The following CRACD variants were observed in gnomAD, a reference collection of about 807,000 sequenced individuals.
CRACD encodes capping protein inhibiting regulator of actin dynamics.
In CRACD, 56 loss-of-function variants were observed where a neutral mutation model predicts 106.8. The ratio of observed to expected loss-of-function variants is 0.52; its 90% confidence interval spans 0.42 to 0.66. CRACD has a LOEUF of 0.66. Among genes scored for constraint, CRACD ranks in the 30% least tolerant of loss-of-function variants. The pLI is 0.00. For synonymous variants in CRACD, 754 were observed against 670.8 expected (o/e 1.12, Z -1.92); for missense variants, 1,730 against 1,623.2 (o/e 1.07, Z -1.13).
chr4:56,217,924 G>A (rs1738796345), intron 2 of CRACD, among the ~76,000 whole-genome samples: 1 of 152,120 alleles, frequency 6.6e-6, no homozygotes, highest in African/African-American at 2.4e-5. Context: ...GTGTTGGCAG[G>A]GTTGGCTCCT....
In CRACD at chr4:56,329,557, C is replaced by T. The variant is rs1746676775; in HGVS notation, c.*1753C>T. 6.6e-6 allele frequency among the ~76,000 whole-genome samples: 1 copy of T among 152,158 alleles called. No homozygotes were observed. The highest frequency in any genetic ancestry group is 1.5e-5 in the Non-Finnish European group (1 of 68,026). The stretch of plus-strand genomic sequence containing the variant: ...CAAGTTGGATTTAATATCATATATA[C>T]TGGACCTTCAGACTGTTAAAAATCA... On this transcript the variant is annotated 3_prime_UTR_variant, in exon 11 of 11. Transcript: ENST00000682029.
chr4:56,132,943 T>A (rs1297237996), intron 1 of CRACD, among the ~76,000 whole-genome samples: 1 of 152,214 alleles, frequency 6.6e-6, no homozygotes, highest in Non-Finnish European at 1.5e-5. Context: ...AAAGGACCTC[T>A]GTGAGGCCAA....
intron 1 of CRACD, among the ~76,000 whole-genome samples, chr4:56,084,415 T>A (rs1733144266): frequency 6.6e-6 from 1 of 152,334 alleles, no homozygotes; most frequent in East Asian, 1.9e-4. Context: ...TAAGATTATG[T>A]CTTAGTAGTT....
intron 2 of CRACD, among the ~76,000 whole-genome samples, chr4:56,249,378 G>C (rs2109584055): frequency 6.8e-6 from 1 of 147,000 alleles, no homozygotes; most frequent in Admixed American, 6.8e-5. Context: ...GTCTTCTTTT[G>C]AGAAGTGTCT....
intron 2 of CRACD, among the ~76,000 whole-genome samples, chr4:56,185,262 T>G (rs1737038088): frequency 6.6e-6 from 1 of 152,164 alleles, no homozygotes; most frequent in South Asian, 2.1e-4. Context: ...CGGCCTTCAG[T>G]GGCATTTAGT....
intron 1 of CRACD, among the ~76,000 whole-genome samples, chr4:56,115,443 T>A (rs1426366333): frequency 6.6e-6 from 1 of 152,176 alleles, no homozygotes; most frequent in African/African-American, 2.4e-5. Context: ...TATAATCATA[T>A]AGGTGCTCCT....
intron 8 of CRACD, among the ~76,000 whole-genome samples, chr4:56,322,077 CT>C (rs1746139271): frequency 6.6e-6 from 1 of 152,162 alleles, no homozygotes; most frequent in Admixed American, 6.5e-5. Context: ...TAGTGAGCTC[CT>C]TTCCTTTGAG....
At chr4:56,256,714 G>C (rs907429331) in intron 2 of CRACD, among the ~76,000 whole-genome samples, 3 of 152,198 alleles carry the variant, frequency 2.0e-5, no homozygotes, top group African/African-American at 7.2e-5. Flanking sequence ...TGGCCCAAAT[G>C]CCCATGGTCC....
intron 1 of CRACD, among the ~76,000 whole-genome samples, chr4:56,074,770 C>T (rs1732780387): frequency 6.6e-6 from 1 of 152,060 alleles, no homozygotes; most frequent in Non-Finnish European, 1.5e-5. Context: ...TGCCGGTTTT[C>T]AAAGGGAATG....
At chr4:56,065,316 C>A (rs1005615555) in intron 1 of CRACD, among the ~76,000 whole-genome samples, 1 of 152,010 alleles carries the variant, frequency 6.6e-6, no homozygotes, top group African/African-American at 2.4e-5. Flanking sequence ...TCAAAATCCT[C>A]ACCTCAGGTG....
chr4:56,249,579 AAT>A (rs1403231427), intron 2 of CRACD, among the ~76,000 whole-genome samples: 1 of 152,136 alleles, frequency 6.6e-6, no homozygotes, highest in African/African-American at 2.4e-5. Context: ...ACAGGCAATA[AAT>A]CTTACCAGAA....
intron 1 of CRACD, among the ~76,000 whole-genome samples, chr4:56,166,001 T>C (rs541546613): frequency 6.6e-6 from 1 of 152,254 alleles, no homozygotes; most frequent in Admixed American, 6.5e-5. Flanking sequence ...GATAGGATTA[T>C]AGGCACACAA....
At chr4:56,104,415 AC>A (rs1733878200) in intron 1 of CRACD, among the ~76,000 whole-genome samples, 1 of 150,522 alleles carries the variant, frequency 6.6e-6, no homozygotes, top group Non-Finnish European at 1.5e-5. Context: ...ACACAAAAAA[AC>A]AAACAAAACC....
At chr4:56,188,659 TTCTCTCTCTCTC>T (rs60141459) in intron 2 of CRACD, among the ~76,000 whole-genome samples, 1 of 83,774 alleles carries the variant, frequency 1.2e-5, no homozygotes, top group Non-Finnish European at 2.3e-5. Flanking sequence ...ATCTCTCTAT[TTCTCTCTCTCTC>T]TCTCTCTCTC....
intron 1 of CRACD, among the ~76,000 whole-genome samples, chr4:56,107,386 G>A (rs955831871): frequency 6.6e-5 from 10 of 152,096 alleles, no homozygotes; most frequent in Non-Finnish European, 1.2e-4. Context: ...CTACTTTAAA[G>A]GGATATTAAG....
At chr4:56,234,357 T>C (rs562176151) in intron 2 of CRACD, among the ~76,000 whole-genome samples, 140 of 152,314 alleles carry the variant, frequency 9.2e-4, no homozygotes, top group Non-Finnish European at 1.7e-3. Flanking sequence ...TTCTTTCACA[T>C]AGCATAATGT....
chr4:56,319,569 A>G (rs1745921227), intron 8 of CRACD, among the ~76,000 whole-genome samples: 1 of 151,588 alleles, frequency 6.6e-6, no homozygotes, highest in African/African-American at 2.4e-5. Context: ...TCACCACTGC[A>G]CTCCAACCTG....
chr4:56,088,212 C>T (rs1733297633), intron 1 of CRACD, among the ~76,000 whole-genome samples: 1 of 150,368 alleles, frequency 6.7e-6, no homozygotes, highest in South Asian at 2.1e-4. Context: ...GGGTAAATTA[C>T]CTGTCATGGG....
intron 1 of CRACD, among the ~76,000 whole-genome samples, chr4:56,106,354 G>C (rs1733949238): frequency 6.6e-6 from 1 of 152,208 alleles, no homozygotes; most frequent in South Asian, 2.1e-4. Flanking sequence ...GAGACACAGA[G>C]TTCAAGTCTC....
Sources: allele counts gnomAD v4.1 joint callset (sites outside exome capture counted in the v4.1 genomes callset), GRCh38; gene constraint gnomAD v4.1.1; transcripts MANE v1.5; gene names NCBI Gene and HGNC (gene_info 2026-07-23, HGNC 2026-07-21).